RASGEF1C: variants seen among roughly 807,000 people sequenced by gnomAD.
The protein encoded by RASGEF1C is ras-GEF domain-containing family member 1C.
In RASGEF1C, 27 loss-of-function variants were observed where a neutral mutation model predicts 58.1. That is an observed-to-expected ratio of 0.46 (90% CI 0.34 to 0.64). The LOEUF is 0.64. Ranked by LOEUF, RASGEF1C falls within the 30% of genes least tolerant of loss-of-function variation. The pLI is 0.01. For synonymous variants in RASGEF1C, 243 were observed against 246.3 expected (o/e 0.99, Z 0.13); for missense variants, 502 against 605.1 (o/e 0.83, Z 1.79).
At chr5:180,115,483 C>A in intron 10 of RASGEF1C, 1 of 222,668 alleles carries the variant, frequency 4.5e-6, no homozygotes, top group Non-Finnish European at 9.6e-6. Flanking sequence ...TCACTCCTGA[C>A]CTCATTGTAG....
At chr5:180,174,549 CGTGTGTCT>C (rs1767184937) in intron 1 of RASGEF1C, among the ~76,000 whole-genome samples, 1 of 145,832 alleles carries the variant, frequency 6.9e-6, no homozygotes, top group South Asian at 2.2e-4. Flanking sequence ...TGCGTGTGTG[CGTGTGTCT>C]GTGTGTGCAC....
intron 1 of RASGEF1C, among the ~76,000 whole-genome samples, chr5:180,152,063 G>C (rs1285049418): frequency 6.7e-6 from 1 of 150,020 alleles, no homozygotes; most frequent in Non-Finnish European, 1.5e-5. Flanking sequence ...AAAAAGTCAG[G>C]AAACAACAGG....
chr5:180,208,484 G>A (rs1246841288), intron 1 of RASGEF1C, among the ~76,000 whole-genome samples: 3 of 152,134 alleles, frequency 2.0e-5, no homozygotes, highest in Non-Finnish European at 2.9e-5. Context: ...CTGCGTGAGG[G>A]ACACACCCAG....
chr5:180,150,608 T>C (rs1275107378), intron 1 of RASGEF1C, among the ~76,000 whole-genome samples: 2 of 151,942 alleles, frequency 1.3e-5, no homozygotes, highest in Non-Finnish European at 2.9e-5. Context: ...GGTAGGCGGA[T>C]CACCTGAGGT....
At chr5:180,114,318 G>T in intron 11 of RASGEF1C, 128 bp downstream of exon 11, 1 of 782,454 alleles carries the variant, frequency 1.3e-6, no homozygotes, top group Non-Finnish European at 2.0e-6. Context: ...CCTTGCCAAG[G>T]TCGGCTGTGA....
At chr5:180,202,248 A>C (rs1756407093) in intron 1 of RASGEF1C, among the ~76,000 whole-genome samples, 1 of 152,184 alleles carries the variant, frequency 6.6e-6, no homozygotes, top group African/African-American at 2.4e-5. Context: ...TAGAGAAAGC[A>C]ATCTAGAATA....
chr5:180,139,349 T>C (rs1766538970), intron 1 of RASGEF1C, among the ~76,000 whole-genome samples: 1 of 152,204 alleles, frequency 6.6e-6, no homozygotes. Flanking sequence ...CCCCTGCTCA[T>C]GCCGTCCTTG....
chr5:180,134,075 C>T (rs965986864), intron 4 of RASGEF1C, among the ~76,000 whole-genome samples: 1 of 152,204 alleles, frequency 6.6e-6, no homozygotes, highest in Non-Finnish European at 1.5e-5. Context: ...GTCCCAGGCC[C>T]TGCCTCATCA....
intron 1 of RASGEF1C, among the ~76,000 whole-genome samples, chr5:180,169,713 G>A (rs1328382528): frequency 1.3e-5 from 2 of 152,056 alleles, no homozygotes; most frequent in African/African-American, 4.8e-5. Context: ...GACTTGGTCT[G>A]CACCCTCATT....
intron 1 of RASGEF1C, among the ~76,000 whole-genome samples, chr5:180,180,053 G>A (rs1480268391): frequency 1.3e-5 from 2 of 152,204 alleles, no homozygotes; most frequent in East Asian, 1.9e-4. Flanking sequence ...GCAGGCCAGG[G>A]CCACCCCAAG....
chr5:180,112,056 C>T (rs1765968034), intron 11 of RASGEF1C, among the ~76,000 whole-genome samples: 2 of 152,204 alleles, frequency 1.3e-5, no homozygotes, highest in East Asian at 1.9e-4. Flanking sequence ...CCAGTCCCTT[C>T]TGCTTGCTCC....
intron 1 of RASGEF1C, among the ~76,000 whole-genome samples, chr5:180,138,596 C>T (rs527807536): frequency 3.3e-5 from 5 of 152,300 alleles, no homozygotes; most frequent in South Asian, 4.1e-4. Flanking sequence ...AGCACAGTGT[C>T]GCTGTGCTGA....
chr5:180,195,720 CCACT>C (rs1756261431), intron 1 of RASGEF1C, among the ~76,000 whole-genome samples: 1 of 151,872 alleles, frequency 6.6e-6, no homozygotes, highest in South Asian at 2.1e-4. Context: ...CGAGATCACA[CCACT>C]ACTGCACTCC....
At chr5:180,161,274 G>A (rs1455812621) in intron 1 of RASGEF1C, among the ~76,000 whole-genome samples, 1 of 152,254 alleles carries the variant, frequency 6.6e-6, no homozygotes, top group Non-Finnish European at 1.5e-5. Flanking sequence ...GGCTGCAGTG[G>A]GCAGGAGAGG....
rs891402928 is a variant in RASGEF1C, at chr5:180,198,255, A to G, written c.-7+10773T>C. 6.6e-6 allele frequency among the ~76,000 whole-genome samples: 1 copy of G among 152,204 alleles called. No individual in the cohort carries two copies. The highest frequency in any genetic ancestry group is 1.5e-5 in the Non-Finnish European group (1 of 68,034). ...GCAGAAGAGGACCAGGACCCCTGCT[A>G]TGATTTCTGAAAGTCAAAGACACAT... On this transcript the variant is annotated intron_variant, in intron 1 of 13. Transcript: ENST00000361132. This position sits in a 1 kb window ranked among gnomAD's most constrained non-coding sequence, Gnocchi z 4.5.
At chr5:180,167,468 G>T (rs903876265) in intron 1 of RASGEF1C, among the ~76,000 whole-genome samples, 3 of 152,022 alleles carry the variant, frequency 2.0e-5, no homozygotes, top group Admixed American at 2.0e-4. Context: ...CAGCCTGGGT[G>T]ACAGAGTGAG....
intron 7 of RASGEF1C, 40 bp from the exon 8 acceptor site, chr5:180,119,488 C>G: frequency 6.6e-7 from 1 of 1,508,748 alleles, no homozygotes; most frequent in Non-Finnish European, 9.2e-7. Flanking sequence ...TGACACGCCT[C>G]CACCCTGCCC....
chr5:180,153,785 G>A (rs1191232203), intron 1 of RASGEF1C, among the ~76,000 whole-genome samples: 1 of 149,638 alleles, frequency 6.7e-6, no homozygotes, highest in Non-Finnish European at 1.5e-5. Context: ...TTGTCATAAT[G>A]CATTGGACAG....
chr5:180,182,204 C>CAAAAAAAAAGAA (rs1767348428), intron 1 of RASGEF1C, among the ~76,000 whole-genome samples: 1 of 22,758 alleles, frequency 4.4e-5, no homozygotes, highest in Non-Finnish European at 8.0e-5. Context: ...GACTCCGTCT[C>CAAAAAAAAAGAA]AAAAAAAAAA....
Sources: gnomAD v4.1 joint callset for allele counts (sites outside exome capture counted in the v4.1 genomes callset) on GRCh38, gnomAD v4.1.1 for gene constraint, Gnocchi (gnomAD v3.1) non-coding constraint, MANE v1.5 for transcripts, NCBI Gene and HGNC (gene_info 2026-07-23, HGNC 2026-07-21) for gene names.